The following HEATR3 variants were observed in gnomAD, a reference collection of about 807,000 sequenced individuals.
HEATR3 encodes HEAT repeat-containing protein 3.
Under a neutral mutation model 72.8 loss-of-function variants are expected in HEATR3, and 56 were observed. That is an observed-to-expected ratio of 0.77 (90% CI 0.62 to 0.96). The LOEUF is 0.96. Among genes scored for constraint, HEATR3 ranks in the 40% least tolerant of loss-of-function variants. The pLI is 0.00. For synonymous variants in HEATR3, 331 were observed against 318.1 expected (o/e 1.04, Z -0.43); for missense variants, 747 against 831.4 (o/e 0.90, Z 1.25).
rs937198523 is a variant in HEATR3, at chr16:50,066,434, G to A, written c.206G>A (p.Arg69Gln). The A allele has an allele frequency of 3.4e-6, 5 of 1,457,384 alleles. No homozygotes were observed. The African/African-American group carries it at 4.4e-5, about 13-fold the overall frequency. 90.3% of individuals were successfully genotyped at this position (1,457,384 alleles called of 1,614,324 possible). ...CAGLARLVQQ[R>Q]PALPGLARRD... ...GGGCTGGCCCGGCTGGTGCAGCAGC[G>A]GCCGGCACTCCCGGGCCTGGCGCGA... The change falls in exon 2 of 15, where the codon CGG (arginine) becomes CAG (glutamine). Residue 69 changes from arginine (R) to glutamine (Q), a missense_variant. Arg to Gln is a conservative substitution (Grantham distance 43). Coordinates refer to ENST00000299192, the MANE Select transcript of HEATR3 (RefSeq NM_182922.4).
chr16:50,084,493 A>T, intron 9 of HEATR3, 76 bp from the exon 10 acceptor site: 1 of 1,181,526 alleles, frequency 8.5e-7, no homozygotes, highest in Non-Finnish European at 1.2e-6. Context: ...TAGGAGTAAT[A>T]TGTTGGAATT....
Position 50,066,428 on chromosome 16 carries a change from A to C in HEATR3, c.200A>C (p.Gln67Pro). ...TGCGCAGGGCTGGCCCGGCTGGTGCAGCAGCGGCCGGCACTCCCGGGCCTG... is the reference window on the plus strand; with the variant it reads ...TGCGCAGGGCTGGCCCGGCTGGTGCCGCAGCGGCCGGCACTCCCGGGCCTG... ...CACAGLARLV[Q>P]QRPALPGLAR... The change falls in exon 2 of 15, where the codon CAG (glutamine) becomes CCG (proline). Residue 67 changes from glutamine (Q) to proline (P), a missense_variant. Gln to Pro is a moderately conservative substitution (Grantham distance 76). This residue lies in a region of HEATR3 where 161 missense variants were observed against 122.6 expected (regional missense o/e 1.31). Coordinates refer to ENST00000299192, the MANE Select transcript of HEATR3 (RefSeq NM_182922.4). The C allele has an allele frequency of 6.8e-7, 1 of 1,473,888 alleles. No individual in the cohort carries two copies. Among genetic ancestry groups the C allele is most frequent in the Non-Finnish European group, 8.9e-7 (1 of 1,125,736 alleles). 91.3% of individuals were successfully genotyped at this position (1,473,888 alleles called of 1,614,324 possible).
intron 4 of HEATR3, among the ~76,000 whole-genome samples, chr16:50,072,387 G>A (rs796141784): frequency 1.2e-4 from 19 of 152,300 alleles, no homozygotes; most frequent in African/African-American, 4.6e-4. Flanking sequence ...AGAGATTGAT[G>A]AAAAGGTCCC....
At position 50,086,251 on chromosome 16, in the gene HEATR3, C is replaced by T. The variant is rs1329593444; in HGVS notation, c.1410C>T (p.Leu470=). ...TTCAGTGCAGAGCCCTCTTCTGTCT[C>T]CAGAGTCTTGTGTCCCTCCTGGATG... ...NTIQCRALFC[L]QSLVSLLDVE... is the part of the protein sequence containing the mutation. Residue 470 remains leucine (L), a synonymous_variant, in exon 11 of 15, where the codon CTC becomes CTT. Transcript: ENST00000299192. 2 of 1,580,868 alleles carry T rather than the reference C, an allele frequency of 1.3e-6. No individual in the cohort carries two copies. The highest frequency in any genetic ancestry group is 1.3e-5 in the African/African-American group (1 of 74,420).
Position 50,083,933 on chromosome 16 carries a change from T to C in HEATR3, c.1042-4T>C. ...GGTCATTTACTTTTTTTTTTTTTTT[T>C]AAGCCCACTGACAAGGAACTGAGAG... On this transcript the variant is annotated splice_polypyrimidine_tract_variant and splice_region_variant and intron_variant, in intron 7 of 14. Transcript: ENST00000299192. 6.7e-7 allele frequency: 1 copy of C among 1,490,354 alleles called. No homozygotes were observed. The highest frequency in any genetic ancestry group is 9.1e-7 in the Non-Finnish European group (1 of 1,096,110). The allele number at this position is 1,490,354 out of a possible 1,614,324, so 92.3% of individuals were successfully genotyped here.
Position 50,094,747 on chromosome 16 carries a change from C to T in HEATR3, c.1553C>T (p.Ala518Val), listed in dbSNP as rs1482709816. Residue 518 changes from alanine (A) to valine (V), a missense_variant, in exon 12 of 15, where the codon GCT (alanine) becomes GTT (valine). By Grantham distance (64) the Ala-to-Val change is moderately conservative. Around this residue, in one of 2 missense-constraint regions of HEATR3, gnomAD observed 586 missense variants for 708.8 expected, o/e 0.83. Transcript: ENST00000299192. ...HVDFLEAISS[A>V]LRALLQTMAS... ...GACTTTCTAGAAGCCATAAGTAGTG[C>T]TTTGAGGGCCCTTTTGCAAACAATG... The T allele has an allele frequency of 3.1e-6, 5 of 1,595,156 alleles. No individual in the cohort carries two copies. The Admixed American group carries it at 5.3e-5, about 17-fold the overall frequency.
rs576922420 is a variant in HEATR3 at position 50,076,591 on chromosome 16, G to GCAGA, written c.763+881_763+882insAGAC. On this transcript the variant is annotated intron_variant, in intron 6 of 14. Transcript: ENST00000299192. ...CCTCCTCTGTTGCCCAGGCAGGAGT[G>GCAGA]CTGTGGTGCAATCTTGGCTCACTGC... Among the ~76,000 whole-genome samples the GCAGA allele has an allele frequency of 3.8e-3, 581 of 152,236 alleles. 3 individuals carry two copies. The highest frequency in any genetic ancestry group is 0.013 in the African/African-American group (554 of 41,530).
At chr16:50,104,220 T>G (rs1464192439) in intron 14 of HEATR3, among the ~76,000 whole-genome samples, 2 of 152,024 alleles carry the variant, frequency 1.3e-5, no homozygotes, top group Non-Finnish European at 2.9e-5. Flanking sequence ...AGCATGGTAG[T>G]GCGCTGCTTG....
At chr16:50,075,346 G>C (rs1418832190) in intron 5 of HEATR3, among the ~76,000 whole-genome samples, 1 of 150,060 alleles carries the variant, frequency 6.7e-6, no homozygotes, top group Non-Finnish European at 1.5e-5. Context: ...GATCTGTACA[G>C]GATTAGAAAT....
intron 10 of HEATR3, among the ~76,000 whole-genome samples, chr16:50,085,727 G>A (rs528782641): frequency 1.2e-4 from 19 of 152,206 alleles, no homozygotes; most frequent in Admixed American, 7.9e-4. Context: ...ATCAGAGGCC[G>A]TGAATATTCA....
chr16:50,066,532 G>A lies in HEATR3; in HGVS notation c.304G>A (p.Ala102Thr), dbSNP rs1242998318. 7 of 1,309,050 alleles carry A rather than the reference G, an allele frequency of 5.3e-6. No homozygotes were observed. Among genetic ancestry groups the A allele is most frequent in the South Asian group, 2.3e-5 (1 of 44,240 alleles). 81.1% of individuals were successfully genotyped at this position (1,309,050 alleles called of 1,614,324 possible). ...GGCCGTCAGGGAGACTGCAGCCGGC[G>A]CGCTGAGGTGAGCCAGGAAGGGTGC... ...SLAVRETAAGALRNLSACGGF... is the reference protein window; with the variant it reads ...SLAVRETAAGTLRNLSACGGF... Residue 102 changes from alanine (A) to threonine (T), a missense_variant, in exon 2 of 15, where the codon GCG (alanine) becomes ACG (threonine). Physicochemically the swap from Ala to Thr is moderately conservative, Grantham distance 58. Coordinates refer to ENST00000299192, the MANE Select transcript of HEATR3 (RefSeq NM_182922.4).
intron 6 of HEATR3, among the ~76,000 whole-genome samples, chr16:50,077,117 G>A (rs528937670): frequency 5.3e-4 from 80 of 151,790 alleles, no homozygotes; most frequent in African/African-American, 1.5e-3. Flanking sequence ...CTTGTGATCC[G>A]CCCGCCTTGG....
chr16:50,093,204 A>G (rs1329050637), intron 11 of HEATR3, among the ~76,000 whole-genome samples: 1 of 152,202 alleles, frequency 6.6e-6, no homozygotes, highest in African/African-American at 2.4e-5. Flanking sequence ...GGGTAACCTA[A>G]AAGTGGGGGA....
chr16:50,090,517 A>G (rs2037085922), intron 11 of HEATR3, among the ~76,000 whole-genome samples: 1 of 152,318 alleles, frequency 6.6e-6, no homozygotes, highest in Admixed American at 6.5e-5. Flanking sequence ...CATTTGTGAT[A>G]CTCTGTACAT....
chr16:50,077,764 T>C (rs545155751), intron 6 of HEATR3, among the ~76,000 whole-genome samples: 33 of 152,310 alleles, frequency 2.2e-4, no homozygotes, highest in Non-Finnish European at 4.1e-4. Context: ...CTGAATAATA[T>C]TGCCTTGTAG....
chr16:50,071,318 A>G (rs560306137), intron 4 of HEATR3, among the ~76,000 whole-genome samples: 42 of 152,364 alleles, frequency 2.8e-4, no homozygotes, highest in Non-Finnish European at 5.0e-4. Flanking sequence ...TGAAATGCCT[A>G]CGTGGCAATC....
At chr16:50,072,418 T>C (rs2036632074) in intron 4 of HEATR3, among the ~76,000 whole-genome samples, 187 bp from the exon 5 acceptor site, 1 of 152,222 alleles carries the variant, frequency 6.6e-6, no homozygotes, top group Non-Finnish European at 1.5e-5. Flanking sequence ...AAATAAAATA[T>C]AGATAGCCAG....
intron 9 of HEATR3, 36 bp downstream of exon 9, chr16:50,084,327 T>C (rs2036940585): frequency 6.3e-7 from 1 of 1,598,206 alleles, no homozygotes; most frequent in Admixed American, 1.7e-5. Context: ...CCGTGGAGCA[T>C]GGGAAAGGCT....
At chr16:50,100,968 G>A (rs1195218899) in intron 13 of HEATR3, among the ~76,000 whole-genome samples, 1 of 152,138 alleles carries the variant, frequency 6.6e-6, no homozygotes, top group Non-Finnish European at 1.5e-5. Flanking sequence ...TTACACTTTG[G>A]TGTGCTAATA....
Sources: gnomAD v4.1 joint callset for allele counts (sites outside exome capture counted in the v4.1 genomes callset) on GRCh38, gnomAD v4.1.1 for gene constraint, gnomAD v4.1.1 regional missense constraint, MANE v1.5 for transcripts, NCBI Gene and HGNC (gene_info 2026-07-23, HGNC 2026-07-21) for gene names.